The following FANCB variants were observed in gnomAD, a reference collection of about 807,000 sequenced individuals.
FANCB encodes the protein Fanconi anemia group B protein.
FANCB carries 5 observed loss-of-function variants against 38.9 expected under a neutral mutation model. That is an observed-to-expected ratio of 0.13 (90% CI 0.07 to 0.27). The LOEUF (loss-of-function observed/expected upper bound fraction) is 0.27. FANCB is among the 10% of genes least tolerant of loss of function. The pLI is 1.00. For synonymous variants in FANCB, 236 were observed against 215.4 expected, an observed-to-expected ratio of 1.10 and a Z score of -0.84; for missense variants, 573 against 602.7, an observed-to-expected ratio of 0.95 and a Z score of 0.52.
the FANCB span, among the ~76,000 whole-genome samples, chrX:14,691,058 A>G: frequency 8.9e-6 from 1 of 112,088 alleles, no homozygotes; most frequent in Non-Finnish European, 1.9e-5. Context: ...ATAAAAATAC[A>G]TATCATGGAG....
At chrX:14,812,562 T>G in the FANCB span, among the ~76,000 whole-genome samples, 1 of 111,230 alleles carries the variant, frequency 9.0e-6, no homozygotes, top group South Asian at 3.7e-4. Flanking sequence ...CTAGAAAATC[T>G]AGAAGAAATG....
chrX:14,868,563 C>G (rs762959448), intron 2 of FANCB, among the ~76,000 whole-genome samples: 1 of 110,713 alleles, frequency 9.0e-6, no homozygotes, highest in African/African-American at 3.3e-5. Flanking sequence ...GAGTAGAATA[C>G]TGGTTATCAG....
At chrX:14,806,349 G>A in the FANCB span, among the ~76,000 whole-genome samples, 5 of 112,092 alleles carry the variant, frequency 4.5e-5, 1 homozygote, top group South Asian at 3.7e-4. Context: ...TACATGGCTC[G>A]TCTTCACTGT....
chrX:14,762,776 A>T, the FANCB span, among the ~76,000 whole-genome samples: 1 of 112,372 alleles, frequency 8.9e-6, no homozygotes, highest in African/African-American at 3.2e-5. Flanking sequence ...AGAAGATCAA[A>T]TCTTTTTGTG....
the FANCB span, among the ~76,000 whole-genome samples, chrX:14,703,226 A>G: frequency 8.9e-6 from 1 of 111,887 alleles, no homozygotes; most frequent in African/African-American, 3.2e-5. Context: ...AACCAAGGGG[A>G]CAATACTCAG....
the FANCB span, among the ~76,000 whole-genome samples, chrX:14,756,544 G>C: frequency 9.0e-6 from 1 of 111,508 alleles, no homozygotes. Context: ...GTTGGAGGCC[G>C]CACAAATGTT....
chrX:14,788,354 C>T, the FANCB span, among the ~76,000 whole-genome samples: 1 of 111,522 alleles, frequency 9.0e-6, no homozygotes, highest in Non-Finnish European at 1.9e-5. Flanking sequence ...CTCAGACATC[C>T]AAGGTAGGGG....
chrX:14,748,703 T>C, the FANCB span, among the ~76,000 whole-genome samples: 2 of 111,430 alleles, frequency 1.8e-5, no homozygotes, highest in Admixed American at 1.9e-4. Flanking sequence ...CTAGGTTGGA[T>C]CCCATCACTT....
At chrX:14,725,527 A>G in the FANCB span, among the ~76,000 whole-genome samples, 2 of 112,090 alleles carry the variant, frequency 1.8e-5, no homozygotes, top group Non-Finnish European at 3.8e-5. Context: ...CTGGGTGAGA[A>G]ATGCGATGGA....
chrX:14,769,297 T>A, the FANCB span, among the ~76,000 whole-genome samples: 1 of 111,488 alleles, frequency 9.0e-6, no homozygotes, highest in Non-Finnish European at 1.9e-5. Context: ...GGTCCTGGGC[T>A]TTTTTTGCTT....
chrX:14,716,102 G>A, the FANCB span, among the ~76,000 whole-genome samples: 1 of 111,058 alleles, frequency 9.0e-6, no homozygotes, highest in South Asian at 3.8e-4. Flanking sequence ...CTCAGGGCCG[G>A]GGTTGAAAGA....
chrX:14,690,875 A>G, the FANCB span: 1 of 1,205,596 alleles, frequency 8.3e-7, no homozygotes, highest in Non-Finnish European at 1.1e-6. Context: ...ATTGCCCCTC[A>G]GTTCAGACAA....
intron 2 of FANCB, among the ~76,000 whole-genome samples, chrX:14,868,028 G>C (rs2092478096): frequency 9.0e-6 from 1 of 111,526 alleles, no homozygotes; most frequent in South Asian, 3.7e-4. Flanking sequence ...ATTTCAGTTT[G>C]AATGGCTATT....
chrX:14,742,298 A>G, the FANCB span, among the ~76,000 whole-genome samples: 3 of 111,710 alleles, frequency 2.7e-5, no homozygotes, highest in East Asian at 8.5e-4. Flanking sequence ...GAAAGTTTAA[A>G]AGGGCAGTTC....
chrX:14,690,736 C>A, the FANCB span: 1 of 1,203,261 alleles, frequency 8.3e-7, no homozygotes, highest in Non-Finnish European at 1.1e-6. Context: ...CGATTGACAT[C>A]TGGATGGCGG....
At chrX:14,784,218 G>A in the FANCB span, among the ~76,000 whole-genome samples, 2 of 112,417 alleles carry the variant, frequency 1.8e-5, no homozygotes, top group South Asian at 7.3e-4. Flanking sequence ...TCTCAAAAAA[G>A]AAAAAGATAT....
the FANCB span, among the ~76,000 whole-genome samples, chrX:14,779,300 T>C: frequency 8.9e-6 from 1 of 112,536 alleles, no homozygotes; most frequent in African/African-American, 3.2e-5. Flanking sequence ...AGAAGAGATA[T>C]CTTGCAGGGC....
downstream of FANCB, chrX:14,835,094 C>T: frequency 1.8e-6 from 1 of 547,451 alleles, no homozygotes; most frequent in Non-Finnish European, 3.3e-6. Flanking sequence ...TCAAAGTTGC[C>T]AGTGTTAACT....
At chrX:14,868,899 GA>G (rs1253218257) in intron 2 of FANCB, 23 bp downstream of exon 2, 2 of 110,991 alleles carry the variant, frequency 1.8e-5, no homozygotes, top group Non-Finnish European at 3.8e-5. Context: ...AGGTAAATAA[GA>G]AAAAAAGAAG....
Sources: allele counts gnomAD v4.1 joint callset (sites outside exome capture counted in the v4.1 genomes callset), GRCh38; gene constraint gnomAD v4.1.1; transcripts MANE v1.5; gene names NCBI Gene and HGNC (gene_info 2026-07-23, HGNC 2026-07-21).